Variants in UPP2 observed in about 807,000 individuals in gnomAD.
UPP2 encodes the protein uridine phosphorylase 2.
In UPP2, 23 loss-of-function variants were observed where a neutral mutation model predicts 26.7. The ratio of observed to expected loss-of-function variants is 0.86; its 90% CI spans 0.62 to 1.22. UPP2 has a LOEUF of 1.22. Ranked by LOEUF, UPP2 falls within the 50% of genes most tolerant of loss-of-function variation. UPP2 has a pLI of 0.00. For synonymous variants in UPP2, 127 were observed against 141.3 expected, an observed-to-expected ratio of 0.90 and a Z score of 0.72; for missense variants, 387 against 396.7, an observed-to-expected ratio of 0.98 and a Z score of 0.21.
intron 1 of UPP2, among the ~76,000 whole-genome samples, chr2:158,103,460 A>G (rs2105211792): frequency 6.6e-6 from 1 of 152,286 alleles, no homozygotes; most frequent in African/African-American, 2.4e-5. Flanking sequence ...CCAAATTTCT[A>G]GAGATAGGGT....
chr2:158,087,792 T>A (rs1278285662), intron 3 of UPP2, among the ~76,000 whole-genome samples: 1 of 152,274 alleles, frequency 6.6e-6, no homozygotes, highest in East Asian at 1.9e-4. Flanking sequence ...CTGATAATTG[T>A]TTTGTTTAAG....
intron 3 of UPP2, among the ~76,000 whole-genome samples, chr2:158,035,260 C>T (rs1019909054): frequency 2.0e-5 from 3 of 151,432 alleles, no homozygotes; most frequent in South Asian, 2.1e-4. Context: ...TGGGTTCAAG[C>T]GATTCTCCTG....
chr2:158,118,009 A>G (rs1454905175), intron 4 of UPP2, 71 bp downstream of exon 4: 2 of 1,308,768 alleles, frequency 1.5e-6, no homozygotes, highest in East Asian at 2.3e-5. Flanking sequence ...AAAATATAAC[A>G]TCCTATTCAG....
chr2:157,996,603 G>GTATTTACAGAAA (rs1683327893), intron 2 of UPP2, among the ~76,000 whole-genome samples: 1 of 152,106 alleles, frequency 6.6e-6, no homozygotes. Context: ...GATTTACTAT[G>GTATTTACAGAAA]GCCTTCTAGA....
chr2:157,996,039 C>T (rs1245794487), intron 2 of UPP2, among the ~76,000 whole-genome samples: 1 of 152,182 alleles, frequency 6.6e-6, no homozygotes, highest in Admixed American at 6.5e-5. Context: ...TGCCTGTTTG[C>T]ATAAACCTGT....
At chr2:158,008,707 T>C (rs1683530930) in intron 2 of UPP2, among the ~76,000 whole-genome samples, 1 of 152,242 alleles carries the variant, frequency 6.6e-6, no homozygotes, top group Non-Finnish European at 1.5e-5. Context: ...ATATTCATTA[T>C]TTTCTGTTTG....
intron 2 of UPP2, among the ~76,000 whole-genome samples, chr2:158,110,123 T>A (rs1683281791): frequency 1.3e-5 from 2 of 152,176 alleles, no homozygotes; most frequent in South Asian, 4.1e-4. Flanking sequence ...TCATTTACAT[T>A]ATGTATATCT....
chr2:158,110,260 T>G (rs1055724147), intron 2 of UPP2, among the ~76,000 whole-genome samples: 6 of 152,152 alleles, frequency 3.9e-5, no homozygotes, highest in Admixed American at 2.0e-4. Flanking sequence ...CGGTGTTTAG[T>G]TTTTTGTCCT....
At chr2:158,065,883 C>T (rs529930104) in intron 3 of UPP2, 31 of 633,754 alleles carry the variant, frequency 4.9e-5, no homozygotes, top group South Asian at 4.7e-4. Context: ...AGCTCCAGTA[C>T]TTGTTGCCCT....
intron 3 of UPP2, among the ~76,000 whole-genome samples, chr2:158,022,588 A>T (rs1683769866): frequency 1.3e-5 from 2 of 152,174 alleles, no homozygotes; most frequent in African/African-American, 2.4e-5. Context: ...GACACCACAC[A>T]ATAGTTGATT....
At chr2:158,093,532 G>C (rs1682942612) in intron 3 of UPP2, among the ~76,000 whole-genome samples, 1 of 152,008 alleles carries the variant, frequency 6.6e-6, no homozygotes, top group Admixed American at 6.6e-5. Flanking sequence ...CTACAAATTA[G>C]TAAGACAAAA....
At chr2:158,057,979 G>A (rs974862899) in intron 3 of UPP2, among the ~76,000 whole-genome samples, 1 of 151,976 alleles carries the variant, frequency 6.6e-6, no homozygotes, top group Non-Finnish European at 1.5e-5. Context: ...TAATCCAATA[G>A]GACTAGTGTG....
chr2:158,092,913 T>C (rs1480887988), intron 3 of UPP2, among the ~76,000 whole-genome samples: 2 of 152,004 alleles, frequency 1.3e-5, no homozygotes, highest in African/African-American at 2.4e-5. Context: ...CAGAGGGAAA[T>C]GGGGTCTGCA....
intron 6 of UPP2, chr2:158,126,630 G>A (rs748001050): frequency 3.3e-5 from 5 of 152,188 alleles, no homozygotes; most frequent in Non-Finnish European, 7.3e-5. Context: ...TAACACTGAA[G>A]CTTGGAAGCT....
chr2:158,040,551 G>A (rs1401890560), intron 3 of UPP2, among the ~76,000 whole-genome samples: 1 of 152,092 alleles, frequency 6.6e-6, no homozygotes, highest in Non-Finnish European at 1.5e-5. Context: ...TAATTGCTGT[G>A]GTACTTTTGG....
intron 3 of UPP2, among the ~76,000 whole-genome samples, chr2:158,042,865 G>A (rs1307022598): frequency 6.6e-6 from 1 of 152,102 alleles, no homozygotes; most frequent in Non-Finnish European, 1.5e-5. Context: ...TGGAGGAAAC[G>A]AATGATTTCC....
At chr2:158,003,413 T>C (rs1683439884) in intron 2 of UPP2, among the ~76,000 whole-genome samples, 1 of 151,948 alleles carries the variant, frequency 6.6e-6, no homozygotes, top group Admixed American at 6.6e-5. Context: ...AATATACATA[T>C]AGAAAGAGAG....
intron 2 of UPP2, among the ~76,000 whole-genome samples, chr2:158,112,142 T>G (rs947888724): frequency 2.4e-4 from 37 of 152,270 alleles, no homozygotes; most frequent in African/African-American, 8.4e-4. Flanking sequence ...GAATGCAGGA[T>G]AGCCAAAATA....
At chr2:158,028,243 C>T (rs1180701463) in intron 3 of UPP2, among the ~76,000 whole-genome samples, 1 of 152,162 alleles carries the variant, frequency 6.6e-6, no homozygotes, top group East Asian at 1.9e-4. Context: ...AAACTGAATG[C>T]CTTTAACACT....
Sources: allele counts gnomAD v4.1 joint callset (sites outside exome capture counted in the v4.1 genomes callset), GRCh38; gene constraint gnomAD v4.1.1; transcripts MANE v1.5; gene names NCBI Gene and HGNC (gene_info 2026-07-23, HGNC 2026-07-21).